Variants in MTA3 observed in about 807,000 individuals in gnomAD.
The protein encoded by MTA3 is metastasis associated 1 family member 3.
Under a neutral mutation model 83.5 loss-of-function variants are expected in MTA3, and 34 were observed. The observed-to-expected ratio is 0.41, with a 90% CI of 0.31 to 0.54. The LOEUF is 0.54. Among genes scored for constraint, MTA3 ranks in the 20% least tolerant of loss-of-function variants. The pLI is 0.33. For synonymous variants in MTA3, 303 were observed against 252.7 expected, an observed-to-expected ratio of 1.20 and a Z score of -1.89; for missense variants, 761 against 726.4, an observed-to-expected ratio of 1.05 and a Z score of -0.55.
intron 3 of MTA3, among the ~76,000 whole-genome samples, chr2:42,602,455 G>C (rs1171803290): frequency 6.6e-6 from 1 of 152,206 alleles, no homozygotes; most frequent in African/African-American, 2.4e-5. Flanking sequence ...ACTTGTCACA[G>C]AAATTTTACT....
At chr2:42,684,173 T>C (rs892825199) in intron 9 of MTA3, among the ~76,000 whole-genome samples, 5 of 152,234 alleles carry the variant, frequency 3.3e-5, no homozygotes, top group African/African-American at 7.2e-5. Flanking sequence ...GTTAAACTTA[T>C]AGTTCCTTTG....
intron 16 of MTA3, among the ~76,000 whole-genome samples, chr2:42,748,922 A>G (rs1669649497): frequency 6.6e-6 from 1 of 152,136 alleles, no homozygotes. Context: ...ACATATTTCA[A>G]TTTTGCCCTT....
chr2:42,674,001 C>G (rs1368446370), intron 8 of MTA3, among the ~76,000 whole-genome samples: 1 of 152,242 alleles, frequency 6.6e-6, no homozygotes, highest in Non-Finnish European at 1.5e-5. Flanking sequence ...CTGATACACT[C>G]ATCTGCAGAT....
At chr2:42,500,722 A>G (rs1163561545) in intron 2 of MTA3, among the ~76,000 whole-genome samples, 1 of 152,160 alleles carries the variant, frequency 6.6e-6, no homozygotes, top group Non-Finnish European at 1.5e-5. Context: ...ACAGTTTATT[A>G]GAAACACTTT....
At chr2:42,720,712 A>G (rs553842625) in intron 15 of MTA3, among the ~76,000 whole-genome samples, 1 of 152,132 alleles carries the variant, frequency 6.6e-6, no homozygotes, top group African/African-American at 2.4e-5. Context: ...TAATCCCAGT[A>G]CTTTGAGAGG....
At chr2:42,716,767 ATT>A (rs1558614696) in intron 14 of MTA3, among the ~76,000 whole-genome samples, 1 of 152,164 alleles carries the variant, frequency 6.6e-6, no homozygotes, top group East Asian at 1.9e-4. Context: ...TGTCTTTACT[ATT>A]GTGAATAGTG....
In MTA3 at chr2:42,656,202, G is replaced by A; in HGVS notation, c.502G>A (p.Glu168Lys). 1.2e-6 allele frequency: 2 copies of A among 1,611,592 alleles called. No homozygotes were observed. The highest frequency in any genetic ancestry group is 1.7e-4 in the Middle Eastern group (1 of 6,056). ...CCATTTTATTTATTTTTGGACAGGA[G>A]AATCAGATGAGAGGGAACAATCAAA... is the stretch of plus-strand genomic sequence containing the variant. ...ADIPEMLLEG[E>K]SDEREQSKLE... The change falls in exon 7 of 17, where the codon GAA becomes AAA. Residue 168 changes from glutamate (E) to lysine (K), a missense_variant and splice_region_variant. By Grantham distance (56) the Glu-to-Lys change is moderately conservative. Transcript: ENST00000405094.
In MTA3 at chr2:42,615,835, C is replaced by A. The variant is rs370911068; in HGVS notation, c.317+6251C>A. On this transcript the variant is annotated intron_variant, in intron 4 of 16. Transcript: ENST00000405094. ...TCCCGGGTTCACGCCATTCTCCTGCCTGAATCTCCAGAGTAGCTGGGACTA... is the reference window on the plus strand; with the variant it reads ...TCCCGGGTTCACGCCATTCTCCTGCATGAATCTCCAGAGTAGCTGGGACTA... Among the ~76,000 whole-genome samples the A allele has an allele frequency of 7.8e-4, 114 of 146,780 alleles. 1 individual carries two copies. The East Asian group carries it at 0.018, about 23-fold the overall frequency.
intron 13 of MTA3, 51 bp from the exon 14 acceptor site, chr2:42,708,823 T>G: frequency 6.3e-7 from 1 of 1,592,604 alleles, no homozygotes; most frequent in Non-Finnish European, 8.6e-7. Flanking sequence ...AACAGTAACG[T>G]GTTTGGGCAA....
intron 8 of MTA3, among the ~76,000 whole-genome samples, chr2:42,671,508 A>G (rs1277958027): frequency 2.6e-5 from 4 of 151,974 alleles, no homozygotes; most frequent in African/African-American, 9.7e-5. Flanking sequence ...GTTTACTCTA[A>G]TATTCTTTTG....
intron 2 of MTA3, among the ~76,000 whole-genome samples, chr2:42,527,365 A>G (rs1208472185): frequency 6.6e-6 from 1 of 152,086 alleles, no homozygotes; most frequent in Non-Finnish European, 1.5e-5. Flanking sequence ...TATAAAACCC[A>G]ACTCCTCCCT....
chr2:42,727,643 G>A (rs903059790), intron 16 of MTA3, among the ~76,000 whole-genome samples: 2 of 152,120 alleles, frequency 1.3e-5, no homozygotes, highest in Non-Finnish European at 1.5e-5. Context: ...GAATCAGTTA[G>A]GATTAATTGC....
At chr2:42,721,330 C>CTT (rs773375150) in intron 15 of MTA3, among the ~76,000 whole-genome samples, 8 of 138,174 alleles carry the variant, frequency 5.8e-5, no homozygotes, top group African/African-American at 1.1e-4. Context: ...TTTTCTTTTT[C>CTT]TTTTTTTTTT....
At chr2:42,747,700 T>C (rs1210877742) in intron 16 of MTA3, among the ~76,000 whole-genome samples, 1 of 152,038 alleles carries the variant, frequency 6.6e-6, no homozygotes, top group Non-Finnish European at 1.5e-5. Context: ...CTTTGACCAA[T>C]ATAACCAGTT....
intron 12 of MTA3, 145 bp downstream of exon 12, chr2:42,704,463 A>G (rs1352088386): frequency 2.2e-6 from 2 of 906,860 alleles, no homozygotes; most frequent in African/African-American, 1.7e-5. Context: ...GCCCCTCCTT[A>G]CCTTCTGCCT....
intron 2 of MTA3, among the ~76,000 whole-genome samples, chr2:42,546,139 A>C (rs1239018544): frequency 6.6e-6 from 1 of 152,144 alleles, no homozygotes; most frequent in African/African-American, 2.4e-5. Flanking sequence ...TTTAATAAGA[A>C]ACCATTAACT....
intron 3 of MTA3, among the ~76,000 whole-genome samples, chr2:42,581,327 C>T (rs534557383): frequency 6.9e-6 from 1 of 145,446 alleles, no homozygotes; most frequent in Non-Finnish European, 1.5e-5. Context: ...GTTCGGATTA[C>T]AGGTGTGAGT....
chr2:42,564,393 T>G (rs1280873734), upstream of MTA3, among the ~76,000 whole-genome samples: 1 of 152,170 alleles, frequency 6.6e-6, no homozygotes, highest in Non-Finnish European at 1.5e-5. Flanking sequence ...GCACAGGAGA[T>G]CTATGGAAGA....
At chr2:42,643,484 G>A (rs1476805169) in intron 5 of MTA3, among the ~76,000 whole-genome samples, 1 of 152,120 alleles carries the variant, frequency 6.6e-6, no homozygotes, top group African/African-American at 2.4e-5. Flanking sequence ...ATTTTGGTGT[G>A]TATGCTGTTG....
Sources: gnomAD v4.1 joint callset for allele counts (sites outside exome capture counted in the v4.1 genomes callset) on GRCh38, gnomAD v4.1.1 for gene constraint, MANE v1.5 for transcripts, NCBI Gene and HGNC (gene_info 2026-07-23, HGNC 2026-07-21) for gene names.